Variants in TRIM36 observed in about 807,000 individuals in gnomAD.
TRIM36 encodes E3 ubiquitin-protein ligase TRIM36.
A neutral mutation model predicts 72.4 loss-of-function variants in TRIM36; 42 were observed. The observed-to-expected ratio is 0.58, with a 90% CI of 0.45 to 0.75. The LOEUF (loss-of-function observed/expected upper bound fraction) is 0.75, where lower values mean the gene tolerates loss of function less well. Ranked by LOEUF, TRIM36 falls within the 30% of genes least tolerant of loss-of-function variation. The pLI is 0.00. For missense variants in TRIM36, 913 were observed against 857.1 expected (o/e 1.07, Z -0.81); for synonymous variants, 315 against 282.8 (o/e 1.11, Z -1.14).
intron 2 of TRIM36, among the ~76,000 whole-genome samples, chr5:115,160,051 T>C (rs1010895660): frequency 6.6e-6 from 1 of 151,818 alleles, no homozygotes; most frequent in Non-Finnish European, 1.5e-5. Context: ...AATGAACATA[T>C]TCAGTTTAGA....
chr5:115,176,336 G>A (rs192250568), intron 1 of TRIM36, among the ~76,000 whole-genome samples: 11 of 152,234 alleles, frequency 7.2e-5, no homozygotes, highest in Admixed American at 7.2e-4. Context: ...TTCTTTCAGA[G>A]TGTAAGTGTC....
chr5:115,170,609 C>T (rs754359013), upstream of TRIM36, among the ~76,000 whole-genome samples: 35 of 152,254 alleles, frequency 2.3e-4, no homozygotes, highest in Non-Finnish European at 4.0e-4. Flanking sequence ...CCTGACTGGG[C>T]ACCGAGCAGT....
At chr5:115,178,672 A>C (rs1755460795) in intron 1 of TRIM36, among the ~76,000 whole-genome samples, 1 of 152,186 alleles carries the variant, frequency 6.6e-6, no homozygotes, top group African/African-American at 2.4e-5. Flanking sequence ...TTGGAAGAAA[A>C]GTGGAAGGAG....
chr5:115,159,601 A>G, intron 2 of TRIM36: 1 of 450,746 alleles, frequency 2.2e-6, no homozygotes. Flanking sequence ...ATCTAACACT[A>G]TATTGCCTGC....
chr5:115,180,066 AC>A (rs1407380377), exon 1 of TRIM36: 1 of 1,605,332 alleles, frequency 6.2e-7, no homozygotes, highest in Non-Finnish European at 8.5e-7. Context: ...ACTCTGGAGG[AC>A]CGACGCGGGT....
chr5:115,164,947 C>T (rs1175014142), intron 1 of TRIM36, among the ~76,000 whole-genome samples: 1 of 151,986 alleles, frequency 6.6e-6, no homozygotes, highest in Non-Finnish European at 1.5e-5. Flanking sequence ...AAAAATTGGC[C>T]AAAACAAAGG....
chr5:115,172,026 G>C (rs977975031), upstream of TRIM36, among the ~76,000 whole-genome samples: 1 of 152,110 alleles, frequency 6.6e-6, no homozygotes, highest in Non-Finnish European at 1.5e-5. Flanking sequence ...CAGAGTATAA[G>C]TGTCTTCTTG....
upstream of TRIM36, among the ~76,000 whole-genome samples, chr5:115,170,210 A>C (rs1057260825): frequency 2.1e-5 from 3 of 143,106 alleles, no homozygotes; most frequent in African/African-American, 5.1e-5. Flanking sequence ...AACGGAAGTG[A>C]GGGCAGCGGG....
intron 2 of TRIM36, among the ~76,000 whole-genome samples, chr5:115,161,045 T>C (rs1344978088): frequency 6.6e-6 from 1 of 152,226 alleles, no homozygotes; most frequent in African/African-American, 2.4e-5. Flanking sequence ...CATTAAAACC[T>C]CCAGGAATGA....
intron 9 of TRIM36, among the ~76,000 whole-genome samples, chr5:115,127,573 T>C (rs1234920577): frequency 2.0e-5 from 3 of 152,080 alleles, no homozygotes; most frequent in African/African-American, 7.2e-5. Flanking sequence ...ATAAATAAAT[T>C]CATTCATTCA....
At chr5:115,135,846 G>T (rs1752937642) in intron 7 of TRIM36, among the ~76,000 whole-genome samples, 1 of 152,106 alleles carries the variant, frequency 6.6e-6, no homozygotes, top group Non-Finnish European at 1.5e-5. Context: ...TTGAAAAGGA[G>T]GTCACAGTAA....
At chr5:115,133,768 T>G in intron 8 of TRIM36, 92 bp downstream of exon 8, 1 of 1,295,410 alleles carries the variant, frequency 7.7e-7, no homozygotes, top group Non-Finnish European at 1.0e-6. Context: ...CTGGTTTCAG[T>G]GCAGGTCTAC....
upstream of TRIM36, among the ~76,000 whole-genome samples, chr5:115,170,250 C>G (rs2126948623): frequency 6.6e-6 from 1 of 152,240 alleles, no homozygotes; most frequent in South Asian, 2.1e-4. Context: ...AGGGCGGCGC[C>G]GGGGCGGGGA....
chr5:115,178,007 GT>G, intron 1 of TRIM36: 1 of 894,734 alleles, frequency 1.1e-6, no homozygotes, highest in Non-Finnish European at 1.7e-6. Context: ...TTTTGTTTTT[GT>G]TTACCTGACT....
In TRIM36 at chr5:115,133,900, A is replaced by T. The variant is rs753431212; in HGVS notation, c.1458T>A (p.Pro486=). 6.2e-7 allele frequency: 1 copy of T among 1,610,394 alleles called. No homozygotes were observed. The highest frequency in any genetic ancestry group is 8.5e-7 in the Non-Finnish European group (1 of 1,178,634). Reference sequence around the variant, plus strand: ...TATGAAGAATCAATTCTCTGCTGCAAGGACTACAGATTGAACCCTTGTAAG... The same window carrying T: ...TATGAAGAATCAATTCTCTGCTGCATGGACTACAGATTGAACCCTTGTAAG... ...VRAYKGSICS[P]CSRELILHTP... The change falls in exon 8 of 10, where the codon CCT becomes CCA. Residue 486 remains proline, a synonymous_variant. Coordinates refer to ENST00000513154, the MANE Select transcript of TRIM36 (RefSeq NM_001300759.2).
intron 8 of TRIM36, among the ~76,000 whole-genome samples, chr5:115,131,252 T>G (rs1561419382): frequency 6.6e-6 from 1 of 152,198 alleles, no homozygotes; most frequent in African/African-American, 2.4e-5. Flanking sequence ...GTTGTAAATT[T>G]TCATAAATAG....
intron 2 of TRIM36, among the ~76,000 whole-genome samples, chr5:115,152,144 T>C (rs1287559534): frequency 6.6e-6 from 1 of 151,784 alleles, no homozygotes; most frequent in African/African-American, 2.4e-5. Context: ...AAGGAAGAAA[T>C]GTTCAAGGAA....
intron 2 of TRIM36, among the ~76,000 whole-genome samples, chr5:115,162,649 A>G (rs541490070): frequency 4.6e-5 from 7 of 152,108 alleles, no homozygotes; most frequent in Non-Finnish European, 8.8e-5. Context: ...ACATACAAAA[A>G]GTTTTCTTTG....
At chr5:115,174,527 G>C (rs1431432273), upstream of TRIM36, among the ~76,000 whole-genome samples, 2 of 152,144 alleles carry the variant, frequency 1.3e-5, no homozygotes, top group African/African-American at 4.8e-5. Flanking sequence ...TCAAGCTACT[G>C]ACAGGCCAAG....
Sources: gnomAD v4.1 joint callset for allele counts (sites outside exome capture counted in the v4.1 genomes callset) on GRCh38, gnomAD v4.1.1 for gene constraint, MANE v1.5 for transcripts, NCBI Gene and HGNC (gene_info 2026-07-23, HGNC 2026-07-21) for gene names.